Variants in SNTB2 observed in about 807,000 individuals in gnomAD.
The protein encoded by SNTB2 is syntrophin beta 2, also known as beta-2-syntrophin.
In SNTB2, 34 loss-of-function variants were observed where a neutral mutation model predicts 46.2. The ratio of observed to expected loss-of-function variants is 0.74; its 90% CI spans 0.56 to 0.98. The LOEUF (loss-of-function observed/expected upper bound fraction) is 0.98. Among genes scored for constraint, SNTB2 ranks in the 50% least tolerant of loss-of-function variants. The probability of loss-of-function intolerance (pLI) is 0.00; values close to 1 mark genes in which losing one functional copy is unlikely to be tolerated. For synonymous variants in SNTB2, 290 were observed against 312.6 expected, an observed-to-expected ratio of 0.93 and a Z score of 0.76; for missense variants, 603 against 731.4, an observed-to-expected ratio of 0.82 and a Z score of 2.02.
chr16:69,202,028 G>T (rs554023673), intron 1 of SNTB2, among the ~76,000 whole-genome samples: 10 of 152,228 alleles, frequency 6.6e-5, no homozygotes, highest in Non-Finnish European at 2.9e-5. Flanking sequence ...TAGCTCATCT[G>T]CACCTATAAT....
chr16:69,252,423 T>C (rs1003974055), intron 2 of SNTB2, among the ~76,000 whole-genome samples: 1 of 152,198 alleles, frequency 6.6e-6, no homozygotes, highest in East Asian at 1.9e-4. Context: ...CAATCAGTAT[T>C]GTAGGCAGTG....
chr16:69,232,519 TTTTTTTTTTTG>T, intron 1 of SNTB2, among the ~76,000 whole-genome samples: 1 of 133,620 alleles, frequency 7.5e-6, no homozygotes, highest in South Asian at 2.6e-4. Flanking sequence ...TTTTTTTTTT[TTTTTTTTTTTG>T]GAGACGGAGT....
chr16:69,211,651 G>A (rs1444316001), intron 1 of SNTB2, among the ~76,000 whole-genome samples: 1 of 152,034 alleles, frequency 6.6e-6, no homozygotes, highest in Non-Finnish European at 1.5e-5. Context: ...ATATATTAAA[G>A]CTAGGGCCAA....
chr16:69,189,692 T>TGGG (rs1370757828), intron 1 of SNTB2, among the ~76,000 whole-genome samples: 1 of 152,174 alleles, frequency 6.6e-6, no homozygotes, highest in East Asian at 1.9e-4. Context: ...AGCCAAGATC[T>TGGG]CACCACTGCA....
intron 2 of SNTB2, among the ~76,000 whole-genome samples, chr16:69,251,942 TAA>T (rs1224952306): frequency 6.6e-6 from 1 of 152,144 alleles, no homozygotes; most frequent in Admixed American, 6.6e-5. Flanking sequence ...AACAATAAAA[TAA>T]AATAAACTGC....
rs555668864 is a variant in SNTB2 at position 69,239,535 on chromosome 16, TTTTA to T, written c.581-6042_581-6039del. ...AACCCTTAGAAACCACTGAATTTAT[TTTTA>T]TTTATTTATTTATTTATTTATTTAG... On this transcript the variant is annotated intron_variant, in intron 1 of 6. Coordinates refer to ENST00000336278, the MANE Select transcript of SNTB2 (RefSeq NM_006750.4). 3.6e-4 allele frequency among the ~76,000 whole-genome samples: 54 copies of T among 151,820 alleles called. 1 individual carries two copies. Among genetic ancestry groups the T allele is most frequent in the African/African-American group, 1.1e-3 (46 of 41,414 alleles).
At chr16:69,272,890 A>C (rs75456382) in intron 4 of SNTB2, among the ~76,000 whole-genome samples, 1 of 61,002 alleles carries the variant, frequency 1.6e-5, no homozygotes, top group Admixed American at 1.5e-4. Flanking sequence ...ACTCTGTCTC[A>C]AAAAAAAAAA....
At chr16:69,248,719 G>A (rs927781720) in intron 2 of SNTB2, among the ~76,000 whole-genome samples, 40 of 152,160 alleles carry the variant, frequency 2.6e-4, no homozygotes, top group African/African-American at 9.6e-4. Context: ...CAATACTTTG[G>A]GAGGCTGAGG....
chr16:69,246,692 G>A (rs1964672773), intron 2 of SNTB2, among the ~76,000 whole-genome samples: 1 of 141,048 alleles, frequency 7.1e-6, no homozygotes, highest in Non-Finnish European at 1.5e-5. Context: ...ATCTGGTCCT[G>A]GACTCTTTTT....
intron 1 of SNTB2, among the ~76,000 whole-genome samples, chr16:69,195,636 T>C (rs1165201179): frequency 2.0e-5 from 3 of 152,106 alleles, no homozygotes; most frequent in African/African-American, 7.2e-5. Context: ...TAATTCTGTA[T>C]AGTCAGCTAA....
intron 1 of SNTB2, among the ~76,000 whole-genome samples, chr16:69,195,438 T>C (rs1964095464): frequency 6.7e-6 from 1 of 150,150 alleles, no homozygotes; most frequent in African/African-American, 2.4e-5. Context: ...CTGTTCCTGG[T>C]TTGCATTTTT....
chr16:69,259,986 TA>T (rs892246646), intron 2 of SNTB2, 63 bp from the exon 3 acceptor site: 5 of 1,180,916 alleles, frequency 4.2e-6, no homozygotes, highest in Non-Finnish European at 6.3e-6. Flanking sequence ...TTATGTATTT[TA>T]AACCTGGCAG....
chr16:69,203,678 CCTTT>C (rs1292822392), intron 1 of SNTB2, among the ~76,000 whole-genome samples: 1 of 151,960 alleles, frequency 6.6e-6, no homozygotes, highest in Non-Finnish European at 1.5e-5. Flanking sequence ...TGGATTTTTG[CCTTT>C]CTTTTCCATT....
At chr16:69,226,621 T>TCAAG (rs1353120203) in intron 1 of SNTB2, among the ~76,000 whole-genome samples, 1 of 152,164 alleles carries the variant, frequency 6.6e-6, no homozygotes, top group African/African-American at 2.4e-5. Flanking sequence ...CCTCAACCTC[T>TCAAG]CAAGCTCAAG....
At chr16:69,214,980 A>G (rs1419449057) in intron 1 of SNTB2, among the ~76,000 whole-genome samples, 1 of 151,540 alleles carries the variant, frequency 6.6e-6, no homozygotes, top group African/African-American at 2.4e-5. Flanking sequence ...GGTAGCTGGG[A>G]TTACAGGCAT....
At chr16:69,288,083 C>T (rs76194768) in intron 5 of SNTB2, among the ~76,000 whole-genome samples, 16 of 151,942 alleles carry the variant, frequency 1.1e-4, no homozygotes, top group Admixed American at 8.5e-4. Flanking sequence ...TGGCTTACAC[C>T]AGAATCACAC....
rs142110729 is a variant in SNTB2 at position 69,278,627 on chromosome 16, T to C, written c.1149-5421T>C. On this transcript the variant is annotated intron_variant, in intron 4 of 6. Transcript: ENST00000336278. ...TGCACCACCATGCCCGGCTAATTTT[T>C]GTATTTTTAGTAGAGATGGGGCTTC... Among the ~76,000 whole-genome samples the C allele has an allele frequency of 4.8e-3, 738 of 152,238 alleles. 3 individuals are homozygous for C. The highest frequency in any genetic ancestry group is 0.017 in the African/African-American group (720 of 41,546).
chr16:69,295,385 G>T (rs1965214155), intron 5 of SNTB2, among the ~76,000 whole-genome samples: 1 of 151,498 alleles, frequency 6.6e-6, no homozygotes, highest in Non-Finnish European at 1.5e-5. Flanking sequence ...GAGTAGCTGG[G>T]ACTACAGGCG....
chr16:69,233,720 C>A (rs1025793848), intron 1 of SNTB2, among the ~76,000 whole-genome samples: 3 of 152,066 alleles, frequency 2.0e-5, no homozygotes, highest in Admixed American at 2.0e-4. Flanking sequence ...TACTTGTAAT[C>A]CCAGCACTTT....
Sources: gnomAD v4.1 joint callset for allele counts (sites outside exome capture counted in the v4.1 genomes callset) on GRCh38, gnomAD v4.1.1 for gene constraint, MANE v1.5 for transcripts, NCBI Gene and HGNC (gene_info 2026-07-23, HGNC 2026-07-21) for gene names.